Variants in PLAAT1 observed in about 807,000 individuals in gnomAD.
The protein encoded by PLAAT1 is phospholipase A and acyltransferase 1.
Under a neutral mutation model 16.4 loss-of-function variants are expected in PLAAT1, and 13 were observed. That is an observed-to-expected ratio of 0.79 (90% CI 0.52 to 1.26). The LOEUF (loss-of-function observed/expected upper bound fraction) is 1.26, where lower values mean the gene tolerates loss of function less well. Ranked by LOEUF, PLAAT1 falls within the 50% of genes most tolerant of loss-of-function variation. The probability of loss-of-function intolerance (pLI) is 0.00; values close to 1 mark genes in which losing one functional copy is unlikely to be tolerated. For synonymous variants in PLAAT1, 73 were observed against 78.4 expected (o/e 0.93, Z 0.36); for missense variants, 218 against 207.8 (o/e 1.05, Z -0.30).
At chr3:193,279,347 G>A, downstream of PLAAT1, 1 of 1,579,526 alleles carries the variant, frequency 6.3e-7, no homozygotes, top group Non-Finnish European at 8.7e-7. Context: ...TGCCAGATGT[G>A]CAAATGAATG....
chr3:193,270,548 A>G (rs1460071850), intron 3 of PLAAT1, 56 bp from the exon 4 acceptor site: 6 of 1,541,422 alleles, frequency 3.9e-6, no homozygotes, highest in Non-Finnish European at 5.3e-6. Context: ...TTCATTTAGG[A>G]CACAGATGTC....
intron 2 of PLAAT1, among the ~76,000 whole-genome samples, chr3:193,262,229 A>C (rs1201287512): frequency 6.6e-6 from 1 of 152,148 alleles, no homozygotes; most frequent in African/African-American, 2.4e-5. Flanking sequence ...AGAGGCAGCC[A>C]AGGTGGAGTG....
chr3:193,272,404 T>C (rs917491490), downstream of PLAAT1, among the ~76,000 whole-genome samples: 7 of 152,216 alleles, frequency 4.6e-5, no homozygotes, highest in African/African-American at 1.7e-4. Flanking sequence ...ATCACTCCAC[T>C]GCACTCCAGC....
At chr3:193,256,970 C>T (rs1716397730) in intron 2 of PLAAT1, among the ~76,000 whole-genome samples, 1 of 152,140 alleles carries the variant, frequency 6.6e-6, no homozygotes, top group Non-Finnish European at 1.5e-5. Context: ...GCAGAAAGAG[C>T]TGAGGTGGTG....
At chr3:193,244,255 C>A (rs1415349952) in intron 1 of PLAAT1, among the ~76,000 whole-genome samples, 1 of 152,026 alleles carries the variant, frequency 6.6e-6, no homozygotes, top group Non-Finnish European at 1.5e-5. Context: ...GGGGTAAATG[C>A]CTAGAAGTAC....
At chr3:193,252,849 G>C (rs546965943) in intron 1 of PLAAT1, among the ~76,000 whole-genome samples, 2 of 152,164 alleles carry the variant, frequency 1.3e-5, no homozygotes, top group South Asian at 2.1e-4. Context: ...CTACCTGCCT[G>C]GTTTTGTTTC....
downstream of PLAAT1, chr3:193,281,102 AG>A (rs1717474811): frequency 1.3e-6 from 1 of 763,978 alleles, no homozygotes; most frequent in Admixed American, 6.3e-5. Context: ...GAAGAAAAGT[AG>A]GAATTGCATC....
chr3:193,257,344 G>A (rs531019871), intron 2 of PLAAT1, among the ~76,000 whole-genome samples: 2 of 152,156 alleles, frequency 1.3e-5, no homozygotes, highest in Non-Finnish European at 2.9e-5. Context: ...GTGCTGGATA[G>A]ATATAAATAA....
upstream of PLAAT1, chr3:193,241,199 G>A: frequency 8.2e-7 from 1 of 1,221,896 alleles, no homozygotes; most frequent in Non-Finnish European, 1.0e-6. Flanking sequence ...CCGCCTCCTG[G>A]GCGGAGCGGG....
intron 1 of PLAAT1, among the ~76,000 whole-genome samples, chr3:193,253,716 C>T (rs1389716537): frequency 6.6e-6 from 1 of 152,134 alleles, no homozygotes; most frequent in Non-Finnish European, 1.5e-5. Context: ...ACATCAGTAA[C>T]ACCTAGTCAA....
downstream of PLAAT1, among the ~76,000 whole-genome samples, chr3:193,273,731 A>G (rs1291289974): frequency 1.3e-5 from 2 of 152,204 alleles, no homozygotes; most frequent in African/African-American, 4.8e-5. Flanking sequence ...AGGGTGATAT[A>G]TAAAAGGTAA....
chr3:193,274,741 C>A, downstream of PLAAT1: 1 of 351,914 alleles, frequency 2.8e-6, no homozygotes, highest in Non-Finnish European at 5.1e-6. Context: ...GTTCATACTA[C>A]TAATTTGACT....
intron 1 of PLAAT1, among the ~76,000 whole-genome samples, chr3:193,251,471 G>A (rs1390768546): frequency 6.6e-6 from 1 of 152,166 alleles, no homozygotes; most frequent in African/African-American, 2.4e-5. Flanking sequence ...GCTGATTCTG[G>A]GCACTACAGC....
At chr3:193,278,230 A>G (rs1290873397), downstream of PLAAT1, among the ~76,000 whole-genome samples, 1 of 152,220 alleles carries the variant, frequency 6.6e-6, no homozygotes, top group African/African-American at 2.4e-5. Flanking sequence ...TGTTTGATAA[A>G]TGAATGACTT....
intron 1 of PLAAT1, among the ~76,000 whole-genome samples, chr3:193,250,637 G>A (rs1716156712): frequency 1.3e-5 from 2 of 152,134 alleles, no homozygotes; most frequent in Admixed American, 1.3e-4. Flanking sequence ...CTGCAGATCT[G>A]GATTTCTTGC....
At chr3:193,247,948 G>A (rs978623985) in intron 1 of PLAAT1, among the ~76,000 whole-genome samples, 1 of 152,196 alleles carries the variant, frequency 6.6e-6, no homozygotes, top group East Asian at 1.9e-4. Flanking sequence ...AGGTCCATTT[G>A]GCTTAAAGTA....
At chr3:193,242,005 A>G (rs1342928705) in intron 1 of PLAAT1, among the ~76,000 whole-genome samples, 1 of 152,172 alleles carries the variant, frequency 6.6e-6, no homozygotes, top group Non-Finnish European at 1.5e-5. Context: ...GAAGGTATAG[A>G]GCAAGCTTGT....
Position 193,270,807 on chromosome 3 carries a change from T to G in PLAAT1, c.*102T>G. 2.1e-6 allele frequency: 3 copies of G among 1,443,654 alleles called. No individual in the cohort carries two copies. The highest frequency in any genetic ancestry group is 2.7e-6 in the Non-Finnish European group (3 of 1,094,896). The allele number at this position is 1,443,654 out of a possible 1,614,324, so 89.4% of individuals were successfully genotyped here. ...GTGCATCATTACTGTTCCAGATTCCTATGATGGATGGCAGACTCTTTAATA... is the reference window on the plus strand; with the variant it reads ...GTGCATCATTACTGTTCCAGATTCCGATGATGGATGGCAGACTCTTTAATA... On this transcript the variant is annotated 3_prime_UTR_variant, in exon 4 of 4. Coordinates refer to ENST00000264735, the MANE Select transcript of PLAAT1 (RefSeq NM_020386.5).
chr3:193,262,502 T>C (rs76351132), intron 2 of PLAAT1, among the ~76,000 whole-genome samples: 1,588 of 152,140 alleles, frequency 0.01, 53 homozygotes, highest in East Asian at 0.072. Context: ...TTTCAGACGC[T>C]TAGGGAGCTT....
Sources: allele counts gnomAD v4.1 joint callset (sites outside exome capture counted in the v4.1 genomes callset), GRCh38; gene constraint gnomAD v4.1.1; transcripts MANE v1.5; gene names NCBI Gene and HGNC (gene_info 2026-07-23, HGNC 2026-07-21).